KDM8: variants seen among roughly 807,000 people sequenced by gnomAD.
KDM8 encodes the protein bifunctional peptidase and arginyl-hydroxylase JMJD5.
A neutral mutation model predicts 46.9 loss-of-function variants in KDM8; 35 were observed. The observed-to-expected ratio is 0.75, with a 90% CI of 0.57 to 0.99. The LOEUF (loss-of-function observed/expected upper bound fraction) is 0.99. Ranked by LOEUF, KDM8 falls within the 50% of genes least tolerant of loss-of-function variation. The pLI, the probability that KDM8 is intolerant of heterozygous loss-of-function variation, is 0.00. For missense variants in KDM8, 475 were observed against 537.0 expected, an observed-to-expected ratio of 0.88 and a Z score of 1.14; for synonymous variants, 232 against 227.7, an observed-to-expected ratio of 1.02 and a Z score of -0.17.
At chr16:27,212,417 G>A (rs1420037002) in intron 2 of KDM8, among the ~76,000 whole-genome samples, 2 of 152,160 alleles carry the variant, frequency 1.3e-5, no homozygotes, top group South Asian at 4.1e-4. Flanking sequence ...AGTCACCCAC[G>A]CTGGAGTGCA....
At chr16:27,210,928 A>G (rs2083477021) in intron 2 of KDM8, among the ~76,000 whole-genome samples, 3 of 152,094 alleles carry the variant, frequency 2.0e-5, no homozygotes, top group African/African-American at 7.2e-5. Context: ...ACACCCAGCT[A>G]ATTTTTTTAG....
At chr16:27,216,058 A>C in intron 5 of KDM8, 69 bp downstream of exon 5, 1 of 1,546,396 alleles carries the variant, frequency 6.5e-7, no homozygotes, top group South Asian at 1.1e-5. Context: ...TCCTGGGCTC[A>C]GTGCGGCTGG....
chr16:27,206,807 A>G (rs1156986282), intron 1 of KDM8, among the ~76,000 whole-genome samples: 1 of 152,212 alleles, frequency 6.6e-6, no homozygotes, highest in African/African-American at 2.4e-5. Context: ...CAGGAGGGCC[A>G]TCTCAAGTGG....
chr16:27,219,316 C>T (rs2083591318), intron 6 of KDM8, among the ~76,000 whole-genome samples: 1 of 152,246 alleles, frequency 6.6e-6, no homozygotes, highest in South Asian at 2.1e-4. Flanking sequence ...GCGGCTCCTC[C>T]TGCATGTGCT....
chr16:27,206,583 T>C (rs1232572187), intron 1 of KDM8, among the ~76,000 whole-genome samples: 1 of 152,184 alleles, frequency 6.6e-6, no homozygotes, highest in Non-Finnish European at 1.5e-5. Context: ...AATATAAGAC[T>C]TTATAAACAG....
intron 1 of KDM8, chr16:27,206,275 T>C (rs1219925888): frequency 5.4e-6 from 5 of 925,874 alleles, no homozygotes; most frequent in Non-Finnish European, 6.4e-6. Flanking sequence ...GCGTGTGCTT[T>C]TTTTTTTTTT....
Position 27,220,410 on chromosome 16 carries a change from C to T in KDM8, c.1011C>T (p.Tyr337=), listed in dbSNP as rs2083605619. Residue 337 remains tyrosine, a synonymous_variant, in exon 7 of 8, where the codon TAC becomes TAT. Coordinates refer to ENST00000286096, the MANE Select transcript of KDM8 (RefSeq NM_024773.3). The part of the protein sequence containing the change: ...NFLVQVMGRK[Y]IRLYSPQESG... ...CTCCCCAGGTGATGGGGAGGAAGTA[C>T]ATCCGGCTGTATTCCCCGCAGGAGT... 3 of 1,613,880 alleles carry T rather than the reference C, an allele frequency of 1.9e-6. No individual in the cohort carries two copies. Among genetic ancestry groups the T allele is most frequent in the Non-Finnish European group, 2.5e-6 (3 of 1,179,942 alleles).
intron 3 of KDM8, 110 bp downstream of exon 3, chr16:27,213,861 C>A: frequency 9.3e-7 from 1 of 1,073,988 alleles, no homozygotes; most frequent in Non-Finnish European, 1.3e-6. Context: ...GTAGATGCTT[C>A]ACTAGCAGCC....
intron 1 of KDM8, 118 bp from the exon 2 acceptor site, chr16:27,209,975 C>A: frequency 1.8e-6 from 2 of 1,086,906 alleles, no homozygotes; most frequent in Middle Eastern, 3.1e-4. Context: ...GAGCTTCTGC[C>A]CAACAGAGAA....
rs1262130050 is a variant in KDM8 at position 27,221,339 on chromosome 16, T to G, written c.*609T>G. The G allele has an allele frequency of 5.0e-6, 1 of 199,578 alleles. No individual in the cohort carries two copies. The highest frequency in any genetic ancestry group is 1.2e-4 in the East Asian group (1 of 8,512). 12.4% of individuals were successfully genotyped at this position (199,578 alleles called of 1,614,324 possible). ...CCTGAATACTGGAGAGAGCTGGGCA[T>G]TGCCCAGGTCACAGGAGAGAGTCCG... On this transcript the variant is annotated 3_prime_UTR_variant, in exon 8 of 8. Transcript: ENST00000286096.
chr16:27,213,237 G>A (rs984036858), intron 2 of KDM8: 33 of 190,138 alleles, frequency 1.7e-4, no homozygotes, highest in African/African-American at 7.8e-4. Context: ...GTGTGTGTGT[G>A]TGTGTGTGTG....
Position 27,215,977 on chromosome 16 carries a change from GC to G in KDM8, c.832del (p.Leu278SerfsTer8), listed in dbSNP as rs1247918693. ...ACGTCGGGTACCTTGCTCAGCACCAGCTCTTTGACCAGGTAAGTCTGAGGCC... is the reference window on the plus strand; with the variant it reads ...ACGTCGGGTACCTTGCTCAGCACCAGTCTTTGACCAGGTAAGTCTGAGGCC... Reference protein sequence around the residue: ...RDVGYLAQHQLFDQIPELKQD... With the variant: ...RDVGYLAQHQXFDQIPELKQD... On this transcript the variant is annotated frameshift_variant, in exon 5 of 8. Coordinates refer to ENST00000286096, the MANE Select transcript of KDM8 (RefSeq NM_024773.3). LOFTEE classifies it high-confidence loss of function. The G allele has an allele frequency of 2.5e-6, 4 of 1,614,096 alleles. No individual in the cohort carries two copies. The highest frequency in any genetic ancestry group is 3.4e-6 in the Non-Finnish European group (4 of 1,180,034).
Position 27,220,613 on chromosome 16 carries a change from G to C in KDM8, c.1134G>C (p.Lys378Asn). 6.2e-7 allele frequency: 1 copy of C among 1,614,174 alleles called. No individual in the cohort carries two copies. Among genetic ancestry groups the C allele is most frequent in the East Asian group, 2.2e-5 (1 of 44,880 alleles). ...TGGAAAAGTTCCCCAAGTTTGCCAAGGCCCCATTCCTGTCCTGCATCCTGT... is the reference window on the plus strand; with the variant it reads ...TGGAAAAGTTCCCCAAGTTTGCCAACGCCCCATTCCTGTCCTGCATCCTGT... ...PDLEKFPKFA[K>N]APFLSCILSP... The change falls in exon 8 of 8, where the codon AAG becomes AAC. Residue 378 changes from lysine to asparagine, a missense_variant. Lys to Asn is a moderately conservative substitution (Grantham distance 94). Transcript: ENST00000286096.
intron 3 of KDM8, chr16:27,214,621 A>C: frequency 2.2e-6 from 1 of 454,508 alleles, no homozygotes; most frequent in Non-Finnish European, 4.0e-6. Context: ...CAAGCAGGGA[A>C]CTAGAGCAGC....
At position 27,210,472 on chromosome 16, in the gene KDM8, G is replaced by GC. The variant is rs747531595; in HGVS notation, c.351dup (p.Ala118ArgfsTer7). 6.9e-6 allele frequency: 11 copies of GC among 1,588,346 alleles called. No homozygotes were observed. The South Asian group carries it at 1.2e-4, about 18-fold the overall frequency. On this transcript the variant is annotated frameshift_variant, in exon 2 of 8. Transcript: ENST00000286096. LOFTEE classifies it high-confidence loss of function. ...GGCACCTGAGGATGCCAACACTGTG[G>GC]CCGCAGCCCTGCGGGTCTGTGACAT...
At chr16:27,213,419 A>G in intron 2 of KDM8, 166 bp from the exon 3 acceptor site, 1 of 645,870 alleles carries the variant, frequency 1.5e-6, no homozygotes, top group Non-Finnish European at 2.6e-6. Context: ...TCTCATGAGG[A>G]GCAAATAGTA....
intron 2 of KDM8, among the ~76,000 whole-genome samples, chr16:27,210,920 A>G (rs925703274): frequency 2.6e-5 from 4 of 152,028 alleles, no homozygotes; most frequent in Non-Finnish European, 4.4e-5. Flanking sequence ...ATGGCACCAC[A>G]CCCAGCTAAT....
intron 5 of KDM8, among the ~76,000 whole-genome samples, 155 bp from the exon 6 acceptor site, chr16:27,218,806 C>T (rs2083582966): frequency 6.6e-6 from 1 of 152,178 alleles, no homozygotes; most frequent in Non-Finnish European, 1.5e-5. Context: ...GAGATCACGC[C>T]ACTGCACTCC....
intron 1 of KDM8, among the ~76,000 whole-genome samples, 183 bp from the exon 2 acceptor site, chr16:27,209,910 G>A (rs1226169866): frequency 1.3e-5 from 2 of 152,188 alleles, no homozygotes; most frequent in African/African-American, 4.8e-5. Context: ...CAGGTGTTGC[G>A]CCAGGCCCTG....
Sources: allele counts gnomAD v4.1 joint callset (sites outside exome capture counted in the v4.1 genomes callset), GRCh38; gene constraint gnomAD v4.1.1; transcripts MANE v1.5; gene names NCBI Gene and HGNC (gene_info 2026-07-23, HGNC 2026-07-21).